The following HS3ST2 variants were observed in gnomAD, a reference collection of about 807,000 sequenced individuals.
HS3ST2 encodes the protein heparan sulfate-glucosamine 3-sulfotransferase 2.
In HS3ST2, 17 loss-of-function variants were observed where a neutral mutation model predicts 26.3. The observed-to-expected ratio is 0.65, with a 90% CI of 0.44 to 0.97. The LOEUF is 0.97. HS3ST2 is among the 50% of genes least tolerant of loss of function. The probability of loss-of-function intolerance (pLI) is 0.00; values close to 1 mark genes in which losing one functional copy is unlikely to be tolerated. For missense variants in HS3ST2, 402 were observed against 501.2 expected (o/e 0.80, Z 1.89); for synonymous variants, 237 against 219.2 (o/e 1.08, Z -0.72).
chr16:22,825,418 T>G (rs2141176107), intron 1 of HS3ST2, among the ~76,000 whole-genome samples: 1 of 152,326 alleles, frequency 6.6e-6, no homozygotes, highest in South Asian at 2.1e-4. Flanking sequence ...GCCTCTGGGC[T>G]CTTCACTGTT....
At chr16:22,895,712 T>C (rs1468926222) in intron 1 of HS3ST2, among the ~76,000 whole-genome samples, 1 of 152,164 alleles carries the variant, frequency 6.6e-6, no homozygotes, top group East Asian at 1.9e-4. Context: ...TTTGCTTTTC[T>C]TTTTTTCTGC....
rs1268274199 is a variant in HS3ST2, at chr16:22,831,591, C to A, written c.485+16496C>A. 7.2e-5 allele frequency among the ~76,000 whole-genome samples: 9 copies of A among 124,148 alleles called. No homozygotes were observed. In the East Asian group the frequency reaches 2.0e-3, roughly 28 times the overall value. 81.4% of individuals were successfully genotyped at this position (124,148 alleles called of 152,430 possible). ...TCTAATATGTTACCTGAGGGCTAAC[C>A]CATTTTTTTTTTTTACAATCTCAGT... On this transcript the variant is annotated intron_variant, in intron 1 of 1. Transcript: ENST00000261374.
chr16:22,902,860 A>T (rs1902298912), intron 1 of HS3ST2, among the ~76,000 whole-genome samples: 1 of 152,062 alleles, frequency 6.6e-6, no homozygotes. Flanking sequence ...CACGCCTATG[A>T]TCCTTTCTTC....
intron 1 of HS3ST2, among the ~76,000 whole-genome samples, chr16:22,837,472 G>A (rs1901276402): frequency 7.2e-6 from 1 of 139,536 alleles, no homozygotes; most frequent in East Asian, 2.1e-4. Context: ...TATATATAAT[G>A]TTTTTTTCCT....
rs115581828 is a variant in HS3ST2, at chr16:22,880,647, C to G, written c.486-34297C>G. Among the ~76,000 whole-genome samples the G allele has an allele frequency of 5.0e-3, 758 of 152,256 alleles. 7 individuals are homozygous for G. The highest frequency in any genetic ancestry group is 0.017 in the African/African-American group (700 of 41,548). Reference sequence around the variant, plus strand: ...GAGGAGTGTACAGCACTGCCCTCCCCCCATGGAGATGGGCTCATGACCTGA... The same window carrying G: ...GAGGAGTGTACAGCACTGCCCTCCCGCCATGGAGATGGGCTCATGACCTGA... On this transcript the variant is annotated intron_variant, in intron 1 of 1. Coordinates refer to ENST00000261374, the MANE Select transcript of HS3ST2 (RefSeq NM_006043.2).
Position 22,814,588 on chromosome 16 carries a change from C to T in HS3ST2, c.-23C>T, listed in dbSNP as rs1359689233. The T allele has an allele frequency of 2.7e-6, 4 of 1,506,284 alleles. No homozygotes were observed. The highest frequency in any genetic ancestry group is 2.6e-5 in the East Asian group (1 of 38,614). The allele number at this position is 1,506,284 out of a possible 1,614,324, so 93.3% of individuals were successfully genotyped here. On this transcript the variant is annotated 5_prime_UTR_variant, in exon 1 of 2. Coordinates refer to ENST00000261374, the MANE Select transcript of HS3ST2 (RefSeq NM_006043.2). ...CCGGTGCCCCCTCGGAAACCATGAC[C>T]CCCGGCGCGGGCCCATGGAGCCATG...
intron 1 of HS3ST2, among the ~76,000 whole-genome samples, chr16:22,843,999 A>G (rs1014792899): frequency 7.2e-6 from 1 of 139,782 alleles, no homozygotes; most frequent in Non-Finnish European, 1.5e-5. Flanking sequence ...GGAATTGTGG[A>G]TGAAAACCTA....
intron 1 of HS3ST2, among the ~76,000 whole-genome samples, chr16:22,864,080 C>T (rs1901715644): frequency 6.6e-6 from 1 of 152,164 alleles, no homozygotes; most frequent in East Asian, 1.9e-4. Flanking sequence ...ACTCACCCAC[C>T]CTGGACAATT....
At chr16:22,828,819 C>T (rs1414912109) in intron 1 of HS3ST2, among the ~76,000 whole-genome samples, 1 of 152,178 alleles carries the variant, frequency 6.6e-6, no homozygotes, top group Non-Finnish European at 1.5e-5. Flanking sequence ...CTTTAGGCCC[C>T]CTTTCCTGTA....
At chr16:22,826,031 A>T (rs1246410309) in intron 1 of HS3ST2, among the ~76,000 whole-genome samples, 1 of 152,166 alleles carries the variant, frequency 6.6e-6, no homozygotes, top group Non-Finnish European at 1.5e-5. Context: ...CTCAGGAAAA[A>T]AAAATGTTGT....
chr16:22,846,377 A>G (rs1301407013), intron 1 of HS3ST2, among the ~76,000 whole-genome samples: 2 of 151,830 alleles, frequency 1.3e-5, no homozygotes, highest in African/African-American at 4.8e-5. Context: ...CTCATTGCAA[A>G]CCCTTTCTTT....
At chr16:22,912,719 G>A (rs1006435664) in intron 1 of HS3ST2, among the ~76,000 whole-genome samples, 1 of 152,090 alleles carries the variant, frequency 6.6e-6, no homozygotes, top group African/African-American at 2.4e-5. Flanking sequence ...CAAATTAAGG[G>A]GCAGATTATG....
chr16:22,875,098 G>A (rs531634182), intron 1 of HS3ST2, among the ~76,000 whole-genome samples: 3 of 152,192 alleles, frequency 2.0e-5, no homozygotes, highest in Admixed American at 6.5e-5. Flanking sequence ...GCCCTGTGGA[G>A]GCCTAGGGTA....
intron 1 of HS3ST2, among the ~76,000 whole-genome samples, chr16:22,909,639 C>G (rs140402474): frequency 6.6e-6 from 1 of 152,054 alleles, no homozygotes; most frequent in Admixed American, 6.5e-5. Context: ...TTTGAAGTAC[C>G]CAGGAGCCCT....
At chr16:22,859,635 A>G (rs980231484) in intron 1 of HS3ST2, among the ~76,000 whole-genome samples, 1 of 152,154 alleles carries the variant, frequency 6.6e-6, no homozygotes, top group African/African-American at 2.4e-5. Context: ...TTCTTAGCCC[A>G]TCTTAGAAGA....
intron 1 of HS3ST2, among the ~76,000 whole-genome samples, chr16:22,887,051 C>A (rs1003337426): frequency 6.6e-6 from 1 of 152,186 alleles, no homozygotes; most frequent in Admixed American, 6.5e-5. Context: ...CATGCCTGAT[C>A]TAATTCCACT....
At chr16:22,895,362 T>A (rs1596629562) in intron 1 of HS3ST2, among the ~76,000 whole-genome samples, 1 of 152,228 alleles carries the variant, frequency 6.6e-6, no homozygotes, top group East Asian at 1.9e-4. Context: ...AGTGCTGAGA[T>A]TACAGGCACC....
chr16:22,869,979 A>G (rs1052351155), intron 1 of HS3ST2, among the ~76,000 whole-genome samples: 1 of 152,186 alleles, frequency 6.6e-6, no homozygotes, highest in Admixed American at 6.5e-5. Context: ...AACACTTACT[A>G]TGAAGTGTTA....
intron 1 of HS3ST2, among the ~76,000 whole-genome samples, chr16:22,901,096 C>T (rs1596631313): frequency 1.3e-5 from 2 of 152,156 alleles, no homozygotes; most frequent in South Asian, 4.1e-4. Flanking sequence ...ACTCTCGCAG[C>T]TTTGACCTCA....
Sources: gnomAD v4.1 joint callset for allele counts (sites outside exome capture counted in the v4.1 genomes callset) on GRCh38, gnomAD v4.1.1 for gene constraint, MANE v1.5 for transcripts, NCBI Gene and HGNC (gene_info 2026-07-23, HGNC 2026-07-21) for gene names.